CNTN5: variants seen among roughly 807,000 people sequenced by gnomAD.
CNTN5 encodes the protein contactin 5.
In CNTN5, 77 loss-of-function variants were observed where a neutral mutation model predicts 129.1. The ratio of observed to expected loss-of-function variants is 0.60; its 90% CI spans 0.50 to 0.72. The LOEUF is 0.72. Among genes scored for constraint, CNTN5 ranks in the 30% least tolerant of loss-of-function variants. The pLI, the probability that CNTN5 is intolerant of heterozygous loss-of-function variation, is 0.00. For missense variants in CNTN5, 1,478 were observed against 1,328.8 expected (o/e 1.11, Z -1.75); for synonymous variants, 509 against 465.6 (o/e 1.09, Z -1.20).
At chr11:99,673,531 C>A (rs1465634365) in intron 3 of CNTN5, among the ~76,000 whole-genome samples, 2 of 152,058 alleles carry the variant, frequency 1.3e-5, no homozygotes, top group East Asian at 1.9e-4. Context: ...TGCACAGATT[C>A]TTTCATCACC....
chr11:99,510,273 G>A (rs1005679287), intron 2 of CNTN5, among the ~76,000 whole-genome samples: 17 of 152,092 alleles, frequency 1.1e-4, no homozygotes, highest in African/African-American at 3.6e-4. Flanking sequence ...TTAACATATC[G>A]GATTGAAAGA....
At chr11:99,478,367 A>G (rs914857563) in intron 2 of CNTN5, among the ~76,000 whole-genome samples, 1 of 152,136 alleles carries the variant, frequency 6.6e-6, no homozygotes, top group Non-Finnish European at 1.5e-5. Flanking sequence ...TGCCATGTGG[A>G]TCTCTCTACC....
chr11:99,765,544 C>G (rs1944723938), intron 3 of CNTN5, among the ~76,000 whole-genome samples: 1 of 151,532 alleles, frequency 6.6e-6, no homozygotes. Flanking sequence ...AATTTCTGTA[C>G]CCTTCTTACA....
At chr11:99,393,478 T>C (rs561110891) in intron 2 of CNTN5, among the ~76,000 whole-genome samples, 6 of 151,898 alleles carry the variant, frequency 4.0e-5, no homozygotes, top group Admixed American at 2.0e-4. Flanking sequence ...TGTCACCTCT[T>C]TTTCAGATGG....
intron 2 of CNTN5, among the ~76,000 whole-genome samples, chr11:99,398,586 T>G (rs1440020303): frequency 6.6e-6 from 1 of 151,984 alleles, no homozygotes; most frequent in Non-Finnish European, 1.5e-5. Context: ...TTCCAGAATA[T>G]CATATAATTG....
At chr11:99,153,488 GTT>G (rs201731146) in intron 1 of CNTN5, among the ~76,000 whole-genome samples, 17 of 140,062 alleles carry the variant, frequency 1.2e-4, no homozygotes, top group East Asian at 4.1e-4. Context: ...ATCAGATCAG[GTT>G]TTTTTTTTTT....
chr11:99,165,865 A>T (rs1860841318), intron 1 of CNTN5, among the ~76,000 whole-genome samples: 1 of 152,168 alleles, frequency 6.6e-6, no homozygotes, highest in Admixed American at 6.5e-5. Flanking sequence ...CATTAGAAAG[A>T]AATAAGCAAT....
Position 99,548,993 on chromosome 11 carries a change from A to G in CNTN5, c.-70-7152A>G, listed in dbSNP as rs534490298. On this transcript the variant is annotated intron_variant, in intron 2 of 24. Coordinates refer to ENST00000524871, the MANE Select transcript of CNTN5 (RefSeq NM_014361.4). ...GACATATTAAGACCTTTTCACTATC[A>G]TTGTGTTTCTTTCTTCCATAGCTTC... Among the ~76,000 whole-genome samples the G allele has an allele frequency of 5.3e-5, 8 of 152,140 alleles. No homozygotes were observed. In the East Asian group the frequency reaches 1.6e-3, roughly 29 times the overall value.
At chr11:99,963,700 A>C (rs1013649940) in intron 8 of CNTN5, among the ~76,000 whole-genome samples, 4 of 152,072 alleles carry the variant, frequency 2.6e-5, no homozygotes, top group African/African-American at 7.2e-5. Context: ...TGAAGAAAGT[A>C]ATTAGTAGCT....
intron 2 of CNTN5, among the ~76,000 whole-genome samples, chr11:99,504,230 T>A (rs1946530309): frequency 6.6e-6 from 1 of 152,202 alleles, no homozygotes; most frequent in Non-Finnish European, 1.5e-5. Context: ...CAAGTGTTTT[T>A]ACTCTTATAT....
intron 1 of CNTN5, among the ~76,000 whole-genome samples, chr11:99,070,958 G>T (rs1345575998): frequency 1.3e-5 from 2 of 152,122 alleles, no homozygotes; most frequent in Non-Finnish European, 2.9e-5. Context: ...TTCTAAAAAT[G>T]CAGATACAGA....
rs199700733 is a variant in CNTN5, at chr11:99,111,292, TTGTG to T, written c.-210+90032_-210+90035del. Among the ~76,000 whole-genome samples the T allele has an allele frequency of 4.6e-5, 7 of 151,504 alleles. No homozygotes were observed. In the South Asian group the frequency reaches 1.5e-3, roughly 31 times the overall value. ...CTCTTTGTCTATAAGTGGTGTGTGT[TTGTG>T]TGTGTGTGTAGGTGTGTGTGTTTGT... On this transcript the variant is annotated intron_variant, in intron 1 of 24. Coordinates refer to ENST00000524871, the MANE Select transcript of CNTN5 (RefSeq NM_014361.4).
chr11:99,713,850 A>G (rs939475143), intron 3 of CNTN5, among the ~76,000 whole-genome samples: 3 of 152,016 alleles, frequency 2.0e-5, no homozygotes, highest in Non-Finnish European at 2.9e-5. Flanking sequence ...TATGTTATAA[A>G]GGAACAAAAG....
At chr11:99,865,057 AC>A (rs1038839414) in intron 6 of CNTN5, among the ~76,000 whole-genome samples, 8 of 152,136 alleles carry the variant, frequency 5.3e-5, no homozygotes, top group Non-Finnish European at 1.0e-4. Flanking sequence ...TTAACAAAAC[AC>A]CTATTTTGTG....
rs2298710 is a variant in CNTN5 at position 100,297,309 on chromosome 11, A to G, written c.2315-316A>G. Reference sequence around the variant, plus strand: ...GAGTCACGTCATTAGCAAAGAGGATAACAGTGAGCAATTTTAAGGACAAAA... The same window carrying G: ...GAGTCACGTCATTAGCAAAGAGGATGACAGTGAGCAATTTTAAGGACAAAA... On this transcript the variant is annotated intron_variant, in intron 18 of 24. Transcript: ENST00000524871. Among the ~76,000 whole-genome samples, 154 of 151,606 alleles carry G rather than the reference A, an allele frequency of 1.0e-3. 6 individuals are homozygous for G. The East Asian group carries it at 0.013, about 13-fold the overall frequency.
At chr11:99,635,398 T>C (rs1416362678) in intron 3 of CNTN5, among the ~76,000 whole-genome samples, 1 of 152,140 alleles carries the variant, frequency 6.6e-6, no homozygotes, top group Non-Finnish European at 1.5e-5. Flanking sequence ...CCTTTAAAAT[T>C]AGAGATTACA....
intron 1 of CNTN5, among the ~76,000 whole-genome samples, chr11:99,272,092 A>G (rs1410253453): frequency 6.6e-6 from 1 of 151,882 alleles, no homozygotes; most frequent in African/African-American, 2.4e-5. Flanking sequence ...ACTTTATGAT[A>G]TAAGGGTTTT....
chr11:100,158,559 T>A (rs561210253), intron 13 of CNTN5, among the ~76,000 whole-genome samples: 27 of 151,948 alleles, frequency 1.8e-4, no homozygotes, highest in African/African-American at 5.1e-4. Flanking sequence ...GACCAAGCTT[T>A]CCATAAACAA....
chr11:99,842,433 CCTA>C (rs1259716279), intron 4 of CNTN5, among the ~76,000 whole-genome samples: 1 of 152,160 alleles, frequency 6.6e-6, no homozygotes, highest in African/African-American at 2.4e-5. Flanking sequence ...AACTGATATT[CCTA>C]CTAATACTGT....
Sources: allele counts gnomAD v4.1 joint callset (sites outside exome capture counted in the v4.1 genomes callset), GRCh38; gene constraint gnomAD v4.1.1; transcripts MANE v1.5; gene names NCBI Gene and HGNC (gene_info 2026-07-23, HGNC 2026-07-21).